The following KIAA0825 variants were observed in gnomAD, a reference collection of about 807,000 sequenced individuals.
The protein encoded by KIAA0825 is KIAA0825, also known as uncharacterized protein KIAA0825.
In KIAA0825, 119 loss-of-function variants were observed where a neutral mutation model predicts 147.6. The ratio of observed to expected loss-of-function variants is 0.81; its 90% confidence interval spans 0.69 to 0.94. The LOEUF is 0.94. Ranked by LOEUF, KIAA0825 falls within the 40% of genes least tolerant of loss-of-function variation. KIAA0825 has a pLI of 0.00. For synonymous variants in KIAA0825, 470 were observed against 518.1 expected (o/e 0.91, Z 1.26); for missense variants, 1,381 against 1,472.7 (o/e 0.94, Z 1.02).
intron 2 of KIAA0825, among the ~76,000 whole-genome samples, chr5:94,564,585 A>C (rs1243128899): frequency 7.8e-6 from 1 of 128,870 alleles, no homozygotes; most frequent in Non-Finnish European, 1.6e-5. Flanking sequence ...TGTGTGTGTG[A>C]TGGAGATGAG....
chr5:94,558,166 A>T (rs1776908630), intron 2 of KIAA0825, among the ~76,000 whole-genome samples: 1 of 152,164 alleles, frequency 6.6e-6, no homozygotes, highest in South Asian at 2.1e-4. Flanking sequence ...ATTCCTTGGA[A>T]TCCGTGAAGC....
intron 2 of KIAA0825, among the ~76,000 whole-genome samples, chr5:94,559,277 G>GA (rs112936284): frequency 2.0e-4 from 30 of 152,100 alleles, no homozygotes; most frequent in African/African-American, 6.3e-4. Flanking sequence ...TATTGTTTTG[G>GA]AAAATGTTGT....
At chr5:94,313,460 A>C (rs1026317086) in intron 20 of KIAA0825, among the ~76,000 whole-genome samples, 1 of 151,720 alleles carries the variant, frequency 6.6e-6, no homozygotes, top group Non-Finnish European at 1.5e-5. Context: ...CATACATTTA[A>C]AGCAGGAATT....
chr5:94,444,535 A>G (rs927473679), intron 13 of KIAA0825, among the ~76,000 whole-genome samples: 1 of 152,006 alleles, frequency 6.6e-6, no homozygotes, highest in Non-Finnish European at 1.5e-5. Context: ...CCAGGAGTTC[A>G]GGTTACTTCA....
intron 20 of KIAA0825, among the ~76,000 whole-genome samples, chr5:94,251,258 G>T (rs957401792): frequency 6.6e-6 from 1 of 152,062 alleles, no homozygotes; most frequent in East Asian, 1.9e-4. Flanking sequence ...TTCTGTAAAA[G>T]AACATCTTAA....
intron 20 of KIAA0825, among the ~76,000 whole-genome samples, chr5:94,352,806 TAAGTG>T (rs1210315184): frequency 6.6e-6 from 1 of 152,180 alleles, no homozygotes; most frequent in Non-Finnish European, 1.5e-5. Context: ...ACTATTATTC[TAAGTG>T]AAGTAACTCA....
At chr5:94,349,382 G>A (rs1783382605) in intron 20 of KIAA0825, among the ~76,000 whole-genome samples, 1 of 152,146 alleles carries the variant, frequency 6.6e-6, no homozygotes, top group South Asian at 2.1e-4. Context: ...GCACTGGACA[G>A]GTCATCAAGA....
At chr5:94,363,830 T>C (rs1421484118) in intron 20 of KIAA0825, among the ~76,000 whole-genome samples, 2 of 152,034 alleles carry the variant, frequency 1.3e-5, no homozygotes, top group Non-Finnish European at 2.9e-5. Flanking sequence ...ATCAAGCTAC[T>C]ACTCTCCAGC....
chr5:94,441,391 G>A (rs1008516309), intron 13 of KIAA0825, among the ~76,000 whole-genome samples: 4 of 152,150 alleles, frequency 2.6e-5, no homozygotes, highest in Non-Finnish European at 5.9e-5. Context: ...AGGCAGTAGG[G>A]TTAGGACCAA....
At chr5:94,413,556 T>G (rs555494541) in intron 15 of KIAA0825, 109 of 152,298 alleles carry the variant, frequency 7.2e-4, no homozygotes, top group African/African-American at 2.4e-3. Context: ...AGATTTCTAT[T>G]TATATGAAAT....
At chr5:94,455,251 T>A (rs1399680090) in intron 12 of KIAA0825, among the ~76,000 whole-genome samples, 2 of 151,484 alleles carry the variant, frequency 1.3e-5, no homozygotes, top group Admixed American at 1.3e-4. Flanking sequence ...CTCTGGAACA[T>A]ACCCACACTT....
rs1038387618 is a variant in KIAA0825, at chr5:94,151,210, G to C, written c.*2797C>G. 6.6e-6 allele frequency among the ~76,000 whole-genome samples: 1 copy of C among 151,240 alleles called. No homozygotes were observed. Among genetic ancestry groups the C allele is most frequent in the Non-Finnish European group, 1.5e-5 (1 of 67,844 alleles). On this transcript the variant is annotated 3_prime_UTR_variant, in exon 21 of 21. Transcript: ENST00000682413. ...AGGCGGGTGGATCATGAGGTCAGGA[G>C]ATCGAGACCATCCTGGCTAACAAGG...
intron 7 of KIAA0825, among the ~76,000 whole-genome samples, chr5:94,476,588 C>T (rs1761920550): frequency 6.6e-6 from 1 of 152,142 alleles, no homozygotes; most frequent in Non-Finnish European, 1.5e-5. Flanking sequence ...AACTCCTATG[C>T]TCCATCAATG....
rs149139275 is a variant in KIAA0825, at chr5:94,610,820, A to T, written c.-153+7680T>A. Among the ~76,000 whole-genome samples the T allele has an allele frequency of 5.6e-3, 780 of 138,968 alleles. 6 individuals are homozygous for T. The highest frequency in any genetic ancestry group is 0.021 in the African/African-American group (703 of 33,044). 91.2% of individuals were successfully genotyped at this position (138,968 alleles called of 152,430 possible). On this transcript the variant is annotated intron_variant, in intron 1 of 20. Transcript: ENST00000682413. ...ATATATATATATAAATAAAAAGATT[A>T]AAAAAAAAGTCATGACACAGTGAAG...
chr5:94,155,667 T>A (rs1342935585), intron 20 of KIAA0825, among the ~76,000 whole-genome samples: 2 of 152,186 alleles, frequency 1.3e-5, no homozygotes, highest in Admixed American at 1.3e-4. Context: ...TTTCAATTTA[T>A]ATTTCTGCTT....
chr5:94,305,233 C>T (rs1357479103), intron 20 of KIAA0825, among the ~76,000 whole-genome samples: 1 of 151,948 alleles, frequency 6.6e-6, no homozygotes, highest in African/African-American at 2.4e-5. Context: ...AAAATAATGA[C>T]CAATCTTTCT....
intron 20 of KIAA0825, among the ~76,000 whole-genome samples, chr5:94,311,614 A>C (rs772635581): frequency 3.3e-5 from 5 of 151,640 alleles, no homozygotes; most frequent in South Asian, 2.1e-4. Flanking sequence ...CACTGTAGAT[A>C]AAATTTCTTT....
At chr5:94,182,551 T>A (rs934259560) in intron 20 of KIAA0825, among the ~76,000 whole-genome samples, 1 of 151,914 alleles carries the variant, frequency 6.6e-6, no homozygotes, top group Non-Finnish European at 1.5e-5. Context: ...AAAGCCACCA[T>A]GCCCAGCCGT....
intron 5 of KIAA0825, chr5:94,519,907 A>G: frequency 1.5e-6 from 1 of 670,380 alleles, no homozygotes. Context: ...AAAGGAGCTT[A>G]TATGTGTATA....
Sources: allele counts gnomAD v4.1 joint callset (sites outside exome capture counted in the v4.1 genomes callset), GRCh38; gene constraint gnomAD v4.1.1; transcripts MANE v1.5; gene names NCBI Gene and HGNC (gene_info 2026-07-23, HGNC 2026-07-21).